The following FAM169A variants were observed in gnomAD, a reference collection of about 807,000 sequenced individuals.
FAM169A encodes the protein soluble lamin-associated protein of 75 kDa.
In FAM169A, 24 loss-of-function variants were observed where a neutral mutation model predicts 75.7. That is an observed-to-expected ratio of 0.32 (90% CI 0.23 to 0.45). FAM169A has a LOEUF of 0.45. FAM169A is among the 20% of genes least tolerant of loss of function. FAM169A has a pLI of 1.00. For synonymous variants in FAM169A, 271 were observed against 271.0 expected, an observed-to-expected ratio of 1.00 and a Z score of 0.00; for missense variants, 673 against 784.0, an observed-to-expected ratio of 0.86 and a Z score of 1.69.
chr5:74,823,114 C>T (rs1747845268), intron 5 of FAM169A, among the ~76,000 whole-genome samples: 4 of 152,156 alleles, frequency 2.6e-5, no homozygotes, highest in Admixed American at 2.6e-4. Flanking sequence ...AATATTTAAT[C>T]ATGTTACTTC....
chr5:74,826,037 T>A (rs1748005456), intron 5 of FAM169A, among the ~76,000 whole-genome samples: 2 of 152,128 alleles, frequency 1.3e-5, no homozygotes, highest in African/African-American at 4.8e-5. Flanking sequence ...ATTTAAATAA[T>A]CCCTCTAATT....
At chr5:74,811,458 C>T (rs1023097255) in intron 6 of FAM169A, among the ~76,000 whole-genome samples, 1 of 152,118 alleles carries the variant, frequency 6.6e-6, no homozygotes, top group Non-Finnish European at 1.5e-5. Context: ...CAATGCCCAT[C>T]CCACTCTCAT....
At chr5:74,803,970 G>A (rs932376249) in intron 8 of FAM169A, among the ~76,000 whole-genome samples, 1 of 152,056 alleles carries the variant, frequency 6.6e-6, no homozygotes, top group African/African-American at 2.4e-5. Context: ...AGGATCCTAT[G>A]TTAAGGAAAC....
rs1194674402 is a variant in FAM169A at position 74,805,524 on chromosome 5, C to CTTT, written c.671-243_671-241dup. Among the ~76,000 whole-genome samples the CTTT allele has an allele frequency of 5.9e-3, 486 of 81,908 alleles. 16 individuals carry two copies. Among genetic ancestry groups the CTTT allele is most frequent in the African/African-American group, 0.021 (396 of 18,440 alleles). 53.7% of individuals were successfully genotyped at this position (81,908 alleles called of 152,430 possible). On this transcript the variant is annotated intron_variant, in intron 6 of 12. Coordinates refer to ENST00000687041, the MANE Select transcript of FAM169A (RefSeq NM_001376049.1). ...AAAAATCCTTTAAAAATGTGCTTCGCTTTTTTTTTTTTTTTTTTTTTTTGG... is the reference window on the plus strand; with the variant it reads ...AAAAATCCTTTAAAAATGTGCTTCGCTTTTTTTTTTTTTTTTTTTTTTTTTTGG...
chr5:74,858,608 G>C (rs1193463044), intron 1 of FAM169A, among the ~76,000 whole-genome samples: 4 of 152,084 alleles, frequency 2.6e-5, no homozygotes, highest in Non-Finnish European at 5.9e-5. Flanking sequence ...AGGAGTGTAA[G>C]GGTCAAAAAG....
intron 1 of FAM169A, among the ~76,000 whole-genome samples, chr5:74,853,868 C>T (rs1446324393): frequency 6.6e-6 from 1 of 151,394 alleles, no homozygotes; most frequent in African/African-American, 2.4e-5. Flanking sequence ...CCACCACACC[C>T]GGCTAATCTT....
chr5:74,866,658 T>A (rs2112773854), upstream of FAM169A: 1 of 827,438 alleles, frequency 1.2e-6, no homozygotes, highest in East Asian at 1.2e-4. Flanking sequence ...AATGGCCTGG[T>A]ATTAAAGAGT....
At chr5:74,866,874 GAGGA>G (rs1750376726), upstream of FAM169A, 1 of 985,362 alleles carries the variant, frequency 1.0e-6, no homozygotes, top group Non-Finnish European at 1.2e-6. Flanking sequence ...GGGCACGGGC[GAGGA>G]CCGCCGGCCT....
At chr5:74,842,669 T>A (rs1046085765) in intron 1 of FAM169A, among the ~76,000 whole-genome samples, 2 of 151,844 alleles carry the variant, frequency 1.3e-5, no homozygotes, top group Admixed American at 1.3e-4. Context: ...AGTGCTGGGA[T>A]TACAGACACT....
At chr5:74,837,916 G>A (rs1179580164) in intron 4 of FAM169A, among the ~76,000 whole-genome samples, 4 of 151,806 alleles carry the variant, frequency 2.6e-5, no homozygotes, top group African/African-American at 9.7e-5. Flanking sequence ...TCGGGAGTTC[G>A]AGACCAGCCT....
intron 6 of FAM169A, among the ~76,000 whole-genome samples, chr5:74,805,609 C>T (rs1746836428): frequency 7.0e-6 from 1 of 142,224 alleles, no homozygotes; most frequent in South Asian, 2.2e-4. Flanking sequence ...CGGCTCACTG[C>T]AACCTCCGCC....
At chr5:74,791,046 C>T (rs986466118) in intron 11 of FAM169A, among the ~76,000 whole-genome samples, 1 of 152,186 alleles carries the variant, frequency 6.6e-6, no homozygotes. Flanking sequence ...TGCCTCTGAA[C>T]AAGGCACTCA....
chr5:74,789,944 A>G (rs1482372965), intron 11 of FAM169A, among the ~76,000 whole-genome samples: 1 of 152,210 alleles, frequency 6.6e-6, no homozygotes, highest in Non-Finnish European at 1.5e-5. Context: ...TCAAGTCACC[A>G]TGTGACCTGA....
chr5:74,781,496 A>G lies in FAM169A; in HGVS notation c.1977T>C (p.His659=). 1 of 1,614,150 alleles carries G rather than the reference A, an allele frequency of 6.2e-7. No individual in the cohort carries two copies. Among genetic ancestry groups the G allele is most frequent in the Non-Finnish European group, 8.5e-7 (1 of 1,180,004 alleles). ...RRNLRRKAKG[H]KGPAKKKAKL... ...TAGCTTTCTTCTTAGCAGGTCCTTT[A>G]TGCCCTTTGGCCTTTCTTCTTAAAT... is the stretch of plus-strand genomic sequence containing the variant. The change falls in exon 13 of 13, where the codon CAT becomes CAC. Residue 659 remains histidine, a synonymous_variant. Transcript: ENST00000687041.
chr5:74,860,717 T>C (rs1397088784), intron 1 of FAM169A, among the ~76,000 whole-genome samples: 1 of 151,886 alleles, frequency 6.6e-6, no homozygotes, highest in Non-Finnish European at 1.5e-5. Flanking sequence ...GGCTTATAGT[T>C]AGGTGAAATA....
chr5:74,808,392 T>C (rs1454487586), intron 6 of FAM169A, among the ~76,000 whole-genome samples: 1 of 151,836 alleles, frequency 6.6e-6, no homozygotes, highest in East Asian at 1.9e-4. Flanking sequence ...ATAAATATTG[T>C]ATGATTCCAT....
At chr5:74,830,919 C>T (rs369961490) in intron 5 of FAM169A, among the ~76,000 whole-genome samples, 32 of 152,152 alleles carry the variant, frequency 2.1e-4, no homozygotes, top group Non-Finnish European at 3.7e-4. Context: ...GGGTCATACA[C>T]TGGGGCTTTG....
chr5:74,791,220 G>A (rs1433658107), intron 11 of FAM169A, among the ~76,000 whole-genome samples: 3 of 152,134 alleles, frequency 2.0e-5, no homozygotes, highest in Non-Finnish European at 2.9e-5. Context: ...GCAGGGCTGC[G>A]GCAAAGGTCT....
At position 74,796,185 on chromosome 5, in the gene FAM169A, A is replaced by C; in HGVS notation, c.1105T>G (p.Leu369Val). The C allele has an allele frequency of 6.3e-7, 1 of 1,598,018 alleles. No individual in the cohort carries two copies. Among genetic ancestry groups the C allele is most frequent in the Non-Finnish European group, 8.5e-7 (1 of 1,175,656 alleles). Residue 369 changes from leucine (L) to valine (V), a missense_variant and splice_region_variant, in exon 11 of 13, where the codon TTG becomes GTG. Leu to Val is a conservative substitution (Grantham distance 32, BLOSUM62 1). Transcript: ENST00000687041. ...QTSLTASINK[L>V]ESTARPSESS... ...TCTGATGGGCGTGCAGTAGACTCCA[A>C]TCTAAAAAACAAAAGAAAACCATTC...
Sources: gnomAD v4.1 joint callset for allele counts (sites outside exome capture counted in the v4.1 genomes callset) on GRCh38, gnomAD v4.1.1 for gene constraint, MANE v1.5 for transcripts, NCBI Gene and HGNC (gene_info 2026-07-23, HGNC 2026-07-21) for gene names.